Variants in ZNF780B observed in about 807,000 individuals in gnomAD.
The protein encoded by ZNF780B is zinc finger protein 780B, also known as zinc finger protein 779.
A neutral mutation model predicts 74.1 loss-of-function variants in ZNF780B; 52 were observed. The observed-to-expected ratio is 0.70, with a 90% confidence interval of 0.56 to 0.88. ZNF780B has a LOEUF of 0.88. Among genes scored for constraint, ZNF780B ranks in the 40% least tolerant of loss-of-function variants. ZNF780B has a pLI of 0.00. For synonymous variants in ZNF780B, 315 were observed against 324.3 expected (o/e 0.97, Z 0.31); for missense variants, 953 against 1,007.6 (o/e 0.95, Z 0.73).
Position 40,029,717 on chromosome 19 carries a change from G to A in ZNF780B, c.*4640C>T, listed in dbSNP as rs1014347011. 7.2e-5 allele frequency: 11 copies of A among 152,174 alleles called. No individual in the cohort carries two copies. The highest frequency in any genetic ancestry group is 2.7e-4 in the African/African-American group (11 of 41,400). 9.4% of individuals were successfully genotyped at this position (152,174 alleles called of 1,614,324 possible). A position where few individuals can be genotyped will look rare whatever the true frequency, so the allele number is the denominator to read the frequency against. ...AACCAGGACTCCCTAAGATAAGAGG[G>A]TATTAAATCATGAGTTGATTCCATG... On this transcript the variant is annotated 3_prime_UTR_variant, in exon 5 of 5. Transcript: ENST00000434248.
At chr19:40,038,588 C>G (rs1972471705) in intron 4 of ZNF780B, among the ~76,000 whole-genome samples, 1 of 148,698 alleles carries the variant, frequency 6.7e-6, no homozygotes, top group Non-Finnish European at 1.5e-5. Flanking sequence ...TGTTTCCTGA[C>G]TTTTTAATGA....
chr19:40,032,135 C>T lies in ZNF780B; in HGVS notation c.*2222G>A, dbSNP rs1370089175. The T allele has an allele frequency of 2.3e-6, 1 of 439,718 alleles. No individual in the cohort carries two copies. Among genetic ancestry groups the T allele is most frequent in the East Asian group, 7.0e-5 (1 of 14,332 alleles). The allele number at this position is 439,718 out of a possible 1,614,324, so 27.2% of individuals were successfully genotyped here. A position where few individuals can be genotyped will look rare whatever the true frequency, so the allele number is the denominator to read the frequency against. ...TCTAAACACATAGCCAACAACATTTCTGGGCTACTCAAAATTCAATGTCAT... is the reference window on the plus strand; with the variant it reads ...TCTAAACACATAGCCAACAACATTTTTGGGCTACTCAAAATTCAATGTCAT... On this transcript the variant is annotated 3_prime_UTR_variant, in exon 5 of 5. Transcript: ENST00000434248.
chr19:40,048,155 G>GT (rs1008349105), intron 3 of ZNF780B, among the ~76,000 whole-genome samples: 2 of 152,014 alleles, frequency 1.3e-5, no homozygotes, highest in Admixed American at 6.6e-5. Flanking sequence ...GTTTTGTTTT[G>GT]TTTTTTTGAG....
intron 2 of ZNF780B, 86 bp downstream of exon 2, chr19:40,050,238 G>T (rs765907937): frequency 1.3e-5 from 12 of 917,536 alleles, no homozygotes; most frequent in African/African-American, 1.8e-5. Context: ...GGATCCTTAC[G>T]TAAGAAGGTT....
intron 4 of ZNF780B, among the ~76,000 whole-genome samples, chr19:40,042,900 C>T (rs530269640): frequency 2.0e-5 from 3 of 152,198 alleles, no homozygotes; most frequent in Non-Finnish European, 2.9e-5. Context: ...CTTCTCTCAA[C>T]TTGTCAAAGT....
rs1973148910 is a variant in ZNF780B at position 40,050,210 on chromosome 19, A to AG, written c.9+113_9+114insC. 2.6e-6 allele frequency: 3 copies of AG among 1,155,224 alleles called. No homozygotes were observed. The East Asian group carries it at 7.8e-5, about 30-fold the overall frequency. The allele number at this position is 1,155,224 out of a possible 1,614,324, so 71.6% of individuals were successfully genotyped here. A position where few individuals can be genotyped will look rare whatever the true frequency, so the allele number is the denominator to read the frequency against. ...AGACTCCGTCTCAAAAAAAAAAAAAAAAAAAAAAAAAAATCGTGGATCCTT... is the reference window on the plus strand; with the variant it reads ...AGACTCCGTCTCAAAAAAAAAAAAAAGAAAAAAAAAAAAATCGTGGATCCTT... On this transcript the variant is annotated intron_variant, in intron 2 of 4. Transcript: ENST00000434248.
chr19:40,035,361 G>T lies in ZNF780B; in HGVS notation c.1498C>A (p.Pro500Thr), dbSNP rs1972221387. 1.9e-6 allele frequency: 3 copies of T among 1,614,076 alleles called. No individual in the cohort carries two copies. Among genetic ancestry groups the T allele is most frequent in the Non-Finnish European group, 2.5e-6 (3 of 1,180,024 alleles). The change falls in exon 5 of 5, where the codon CCA becomes ACA. Residue 500 changes from proline to threonine, a missense_variant. By Grantham distance (38) the Pro-to-Thr change is conservative. Transcript: ENST00000434248. ...TTCCCACAGTCTTTACATTCAAATG[G>T]TTTCTCACCAGTATGAATGTTCTTA... ...RHKNIHTGEK[P>T]FECKDCGKAF...
In ZNF780B at chr19:40,034,663, C is replaced by T. The variant is rs762892943; in HGVS notation, c.2196G>A (p.Lys732=). The change falls in exon 5 of 5, where the codon AAG becomes AAA. Residue 732 remains lysine (K), a synonymous_variant. Transcript: ENST00000434248. ...CAAGCTGTGTCAGAAGACCAAAGGC[C>T]TTTCCGCATTCTTTACATTCAAAGG... is the stretch of plus-strand genomic sequence containing the variant. ...EKPFECKECG[K]AFGLLTQLAQ... The T allele has an allele frequency of 1.9e-5, 31 of 1,613,568 alleles. No individual in the cohort carries two copies. The South Asian group carries it at 2.7e-4, about 14-fold the overall frequency.
intron 1 of ZNF780B, 76 bp from the exon 2 acceptor site, chr19:40,050,453 C>T: frequency 1.5e-6 from 2 of 1,378,060 alleles, no homozygotes; most frequent in South Asian, 1.3e-5. Flanking sequence ...ATATTTTATC[C>T]TCCATTCCTA....
chr19:40,035,654 G>A lies in ZNF780B; in HGVS notation c.1205C>T (p.Ser402Leu). Residue 402 changes from serine to leucine, a missense_variant, in exon 5 of 5, where the codon TCA (serine) becomes TTA (leucine). Physicochemically the swap from Ser to Leu is moderately radical, Grantham distance 145. Coordinates refer to ENST00000434248, the MANE Select transcript of ZNF780B (RefSeq NM_001005851.3). ...AATACTCTGGTGTTGAATAAGGTTT[G>A]AACTACGATTAAAGGACTTCCCACA... ...KECGKSFNRSSNLIQHQSIHA... is the reference protein window; with the variant it reads ...KECGKSFNRSLNLIQHQSIHA... The A allele has an allele frequency of 6.2e-7, 1 of 1,613,924 alleles. No homozygotes were observed. The highest frequency in any genetic ancestry group is 8.5e-7 in the Non-Finnish European group (1 of 1,179,984).
intron 4 of ZNF780B, among the ~76,000 whole-genome samples, chr19:40,044,930 AC>A (rs1471114528): frequency 6.6e-6 from 1 of 152,222 alleles, no homozygotes; most frequent in Non-Finnish European, 1.5e-5. Context: ...ACATGATCCA[AC>A]TATAAGCTGC....
chr19:40,034,464 G>A lies in ZNF780B; in HGVS notation c.2395C>T (p.His799Tyr). The change falls in exon 5 of 5, where the codon CAT becomes TAT. Residue 799 changes from histidine to tyrosine, a missense_variant. His to Tyr is a moderately conservative substitution (Grantham distance 83). Coordinates refer to ENST00000434248, the MANE Select transcript of ZNF780B (RefSeq NM_001005851.3). ...AFRLHLQLSLHQKLVQVRNPL... is the reference protein window; with the variant it reads ...AFRLHLQLSLYQKLVQVRNPL... ...TTTCTCACCTGTACAAGTTTTTGAT[G>A]CAGAGAAAGTTGTAGGTGAAGTCTA... 6.2e-7 allele frequency: 1 copy of A among 1,613,764 alleles called. No homozygotes were observed. The highest frequency in any genetic ancestry group is 8.5e-7 in the Non-Finnish European group (1 of 1,179,930).
In ZNF780B at chr19:40,033,421, C is replaced by T. The variant is rs1022587012; in HGVS notation, c.*936G>A. On this transcript the variant is annotated 3_prime_UTR_variant, in exon 5 of 5. Transcript: ENST00000434248. ...TGAACATGGCAGCTACTCTACATTC[C>T]TCACATCAGTAACTTTCTCACCAAA... 6.5e-6 allele frequency: 1 copy of T among 154,692 alleles called. No individual in the cohort carries two copies. The highest frequency in any genetic ancestry group is 2.4e-5 in the African/African-American group (1 of 41,522). The allele number at this position is 154,692 out of a possible 1,614,324, so 9.6% of individuals were successfully genotyped here.
At chr19:40,052,217 T>C (rs1023485780) in intron 1 of ZNF780B, among the ~76,000 whole-genome samples, 1 of 152,118 alleles carries the variant, frequency 6.6e-6, no homozygotes, top group African/African-American at 2.4e-5. Flanking sequence ...TATAATCCTT[T>C]GTTGGGGCTA....
At chr19:40,048,536 A>T (rs1235150153) in intron 3 of ZNF780B, 134 bp downstream of exon 3, 21 of 1,452,612 alleles carry the variant, frequency 1.4e-5, no homozygotes, top group Non-Finnish European at 2.0e-5. Context: ...CAACCCAACA[A>T]ATCTCAATCC....
intron 4 of ZNF780B, 62 bp from the exon 5 acceptor site, chr19:40,036,688 C>A (rs1276390951): frequency 1.9e-6 from 2 of 1,043,800 alleles, no homozygotes; most frequent in Non-Finnish European, 2.7e-6. Flanking sequence ...CATACAAAAT[C>A]CATTAAACAA....
In ZNF780B at chr19:40,035,826, G is replaced by A. The variant is rs775713168; in HGVS notation, c.1033C>T (p.Leu345=). 1.2e-6 allele frequency: 2 copies of A among 1,614,048 alleles called. No homozygotes were observed. The highest frequency in any genetic ancestry group is 3.3e-5 in the Admixed American group (2 of 59,990). Reference sequence around the variant, plus strand: ...TTCTGATGTCGAACAAGCTTTGTCAGAAGAGTAAAGGCCTTTCTGCATTCT... The same window carrying A: ...TTCTGATGTCGAACAAGCTTTGTCAAAAGAGTAAAGGCCTTTCTGCATTCT... ...CKECRKAFTL[L]TKLVRHQKIH... Residue 345 remains leucine (L), a synonymous_variant, in exon 5 of 5, where the codon CTG becomes TTG. Coordinates refer to ENST00000434248, the MANE Select transcript of ZNF780B (RefSeq NM_001005851.3).
Position 40,036,501 on chromosome 19 carries a change from T to A in ZNF780B, c.358A>T (p.Asn120Tyr). 6.2e-7 allele frequency: 1 copy of A among 1,609,954 alleles called. No homozygotes were observed. Among genetic ancestry groups the A allele is most frequent in the South Asian group, 1.1e-5 (1 of 89,776 alleles). Residue 120 changes from asparagine to tyrosine, a missense_variant, in exon 5 of 5, where the codon AAT (asparagine) becomes TAT (tyrosine). Coordinates refer to ENST00000434248, the MANE Select transcript of ZNF780B (RefSeq NM_001005851.3). ...TLGLEAFYFR[N>Y]DSEYRSRFEG... ...AATCTACTTCTATATTCTGAGTCAT[T>A]TCTAAAATAAAAGGCCTCGAGGCCA...
intron 1 of ZNF780B, among the ~76,000 whole-genome samples, chr19:40,054,843 G>A (rs1313476741): frequency 6.6e-6 from 1 of 152,146 alleles, no homozygotes; most frequent in African/African-American, 2.4e-5. Context: ...CCGCAACAGC[G>A]TACTGCCTCT....
Sources: allele counts gnomAD v4.1 joint callset (sites outside exome capture counted in the v4.1 genomes callset), GRCh38; gene constraint gnomAD v4.1.1; transcripts MANE v1.5; gene names NCBI Gene and HGNC (gene_info 2026-07-23, HGNC 2026-07-21).